The following CNTNAP5 variants were observed in gnomAD, a reference collection of about 807,000 sequenced individuals.
CNTNAP5 encodes the protein contactin-associated protein-like 5.
In CNTNAP5, 72 loss-of-function variants were observed where a neutral mutation model predicts 150.2. The ratio of observed to expected loss-of-function variants is 0.48; its 90% CI spans 0.40 to 0.58. The LOEUF is 0.58. CNTNAP5 is among the 20% of genes least tolerant of loss of function. The probability of loss-of-function intolerance (pLI) is 0.00; values close to 1 mark genes in which losing one functional copy is unlikely to be tolerated. For missense variants in CNTNAP5, 1,636 were observed against 1,626.2 expected, an observed-to-expected ratio of 1.01 and a Z score of -0.10; for synonymous variants, 672 against 619.8, an observed-to-expected ratio of 1.08 and a Z score of -1.25.
rs528469193 is a variant in CNTNAP5 at position 124,856,649 on chromosome 2, G to C, written c.3218-8657G>C. ...TGAGTTCCTGGTCCGTCATCCCCTT[G>C]TCATGTGTAGCTGAATTTCAAGTAG... On this transcript the variant is annotated intron_variant, in intron 19 of 23. Coordinates refer to ENST00000682447, the MANE Select transcript of CNTNAP5 (RefSeq NM_001367498.1). Among the ~76,000 whole-genome samples, 6 of 152,218 alleles carry C rather than the reference G, an allele frequency of 3.9e-5. No individual in the cohort carries two copies. The East Asian group carries it at 7.7e-4, about 20-fold the overall frequency.
intron 1 of CNTNAP5, among the ~76,000 whole-genome samples, chr2:124,104,450 A>T (rs931305719): frequency 1.3e-5 from 2 of 152,186 alleles, no homozygotes; most frequent in African/African-American, 4.8e-5. Context: ...AGCAGTGATC[A>T]TCTGGGCAAT....
chr2:124,304,728 T>A (rs1573903725), intron 3 of CNTNAP5, among the ~76,000 whole-genome samples: 1 of 152,160 alleles, frequency 6.6e-6, no homozygotes, highest in African/African-American at 2.4e-5. Context: ...TCATGCCATA[T>A]ACAAATGGCC....
At chr2:124,093,732 A>G (rs905639719) in intron 1 of CNTNAP5, among the ~76,000 whole-genome samples, 4 of 152,234 alleles carry the variant, frequency 2.6e-5, no homozygotes, top group Non-Finnish European at 5.9e-5. Context: ...TGGGTATAAG[A>G]TAGAGAAAAT....
intron 3 of CNTNAP5, among the ~76,000 whole-genome samples, chr2:124,405,228 T>C (rs886116283): frequency 6.6e-6 from 1 of 152,144 alleles, no homozygotes; most frequent in Non-Finnish European, 1.5e-5. Flanking sequence ...CACATGTTTG[T>C]AAGATGTACT....
At chr2:124,789,544 C>T (rs1681671818) in intron 17 of CNTNAP5, among the ~76,000 whole-genome samples, 1 of 152,142 alleles carries the variant, frequency 6.6e-6, no homozygotes, top group Non-Finnish European at 1.5e-5. Context: ...CTCTTATCTT[C>T]TCCCTCTTCC....
intron 1 of CNTNAP5, among the ~76,000 whole-genome samples, chr2:124,169,886 C>T (rs1427132520): frequency 6.6e-6 from 1 of 152,322 alleles, no homozygotes; most frequent in Non-Finnish European, 1.5e-5. Context: ...CAGAGCCTTA[C>T]TCTTCCACAT....
At chr2:124,774,178 AC>A (rs1681270635) in intron 17 of CNTNAP5, among the ~76,000 whole-genome samples, 1 of 151,990 alleles carries the variant, frequency 6.6e-6, no homozygotes, top group Non-Finnish European at 1.5e-5. Context: ...TTGTCAGTCT[AC>A]CCAGATTTAA....
At chr2:124,444,401 C>A (rs144396007) in intron 5 of CNTNAP5, among the ~76,000 whole-genome samples, 1 of 152,086 alleles carries the variant, frequency 6.6e-6, no homozygotes, top group East Asian at 1.9e-4. Context: ...CAAGACCAGC[C>A]GGGTCAATGT....
At chr2:124,083,166 G>A (rs1285161816) in intron 1 of CNTNAP5, among the ~76,000 whole-genome samples, 1 of 152,104 alleles carries the variant, frequency 6.6e-6, no homozygotes, top group African/African-American at 2.4e-5. Flanking sequence ...TGACCAACAT[G>A]ACGAAACCCC....
chr2:124,501,836 T>C (rs919143084), intron 7 of CNTNAP5, among the ~76,000 whole-genome samples: 3 of 152,156 alleles, frequency 2.0e-5, no homozygotes, highest in African/African-American at 7.2e-5. Context: ...GGTCAGATTC[T>C]GTGTAGAAGG....
chr2:124,559,284 CCTAT>C (rs936962103), intron 10 of CNTNAP5, among the ~76,000 whole-genome samples: 17 of 152,038 alleles, frequency 1.1e-4, no homozygotes, highest in African/African-American at 4.1e-4. Context: ...TCCTTTCATT[CCTAT>C]CTCTTTTCTT....
intron 13 of CNTNAP5, among the ~76,000 whole-genome samples, chr2:124,697,658 G>A (rs942353623): frequency 6.7e-6 from 1 of 150,240 alleles, no homozygotes; most frequent in South Asian, 2.1e-4. Flanking sequence ...CTGGCATAAG[G>A]CCAGCACATC....
At chr2:124,457,461 A>C (rs1693147943) in intron 6 of CNTNAP5, among the ~76,000 whole-genome samples, 1 of 152,196 alleles carries the variant, frequency 6.6e-6, no homozygotes, top group Non-Finnish European at 1.5e-5. Flanking sequence ...CAAATTAGCA[A>C]GAAAAAAAAG....
chr2:124,365,412 A>G (rs545228118), intron 3 of CNTNAP5, among the ~76,000 whole-genome samples: 17 of 152,290 alleles, frequency 1.1e-4, no homozygotes, highest in Admixed American at 2.6e-4. Context: ...GAAATGCACA[A>G]TTCACATTAA....
Position 124,497,889 on chromosome 2 carries a change from A to T in CNTNAP5, c.1063-6403A>T, listed in dbSNP as rs531422613. Among the ~76,000 whole-genome samples the T allele has an allele frequency of 2.1e-4, 32 of 152,294 alleles. No individual in the cohort carries two copies. The South Asian group carries it at 4.6e-3, about 22-fold the overall frequency. On this transcript the variant is annotated intron_variant, in intron 7 of 23. Transcript: ENST00000682447. Reference sequence around the variant, plus strand: ...ATCTTCTGAAGTTCTTCGTCTGTGTAACAGATAAGTGTAAATTCATTCGAT... The same window carrying T: ...ATCTTCTGAAGTTCTTCGTCTGTGTTACAGATAAGTGTAAATTCATTCGAT...
At position 124,434,630 on chromosome 2, in the gene CNTNAP5, G is replaced by C. The variant is rs1264711914; in HGVS notation, c.676G>C (p.Gly226Arg). 1.9e-6 allele frequency: 3 copies of C among 1,613,708 alleles called. No individual in the cohort carries two copies. Among genetic ancestry groups the C allele is most frequent in the Middle Eastern group, 1.6e-4 (1 of 6,078 alleles). Residue 226 changes from glycine to arginine, a missense_variant, in exon 5 of 24, where the codon GGA becomes CGA. Coordinates refer to ENST00000682447, the MANE Select transcript of CNTNAP5 (RefSeq NM_001367498.1). ...GVLFHGEGQR[G>R]DHITLELQKG... ...CCTGTTCCATGGAGAAGGTCAGCGT[G>C]GAGACCACATCACCTTGGAACTCCA...
At chr2:124,538,259 G>A (rs1695288581) in intron 10 of CNTNAP5, among the ~76,000 whole-genome samples, 1 of 152,060 alleles carries the variant, frequency 6.6e-6, no homozygotes, top group Non-Finnish European at 1.5e-5. Flanking sequence ...AACCCAGTTT[G>A]GTGGAGACCA....
At chr2:124,115,492 C>T (rs1373486943) in intron 1 of CNTNAP5, among the ~76,000 whole-genome samples, 1 of 151,966 alleles carries the variant, frequency 6.6e-6, no homozygotes, top group Non-Finnish European at 1.5e-5. Flanking sequence ...AAAACAAAAT[C>T]GAGTGGGCTG....
intron 13 of CNTNAP5, among the ~76,000 whole-genome samples, chr2:124,739,183 G>A (rs989614557): frequency 6.6e-6 from 1 of 152,156 alleles, no homozygotes. Context: ...CAACAGGCAG[G>A]GAGAAGAGAA....
Sources: allele counts gnomAD v4.1 joint callset (sites outside exome capture counted in the v4.1 genomes callset), GRCh38; gene constraint gnomAD v4.1.1; transcripts MANE v1.5; gene names NCBI Gene and HGNC (gene_info 2026-07-23, HGNC 2026-07-21).